Variants in SLC26A1 observed in about 807,000 individuals in gnomAD.
SLC26A1 encodes sulfate anion transporter 1.
A neutral mutation model predicts 14.5 loss-of-function variants in SLC26A1; 18 were observed. The ratio of observed to expected loss-of-function variants is 1.24; its 90% confidence interval spans 0.86 to 1.84. The LOEUF (loss-of-function observed/expected upper bound fraction) is 1.84. Ranked by LOEUF, SLC26A1 falls within the 40% of genes most tolerant of loss-of-function variation. The pLI is 0.00. For synonymous variants in SLC26A1, 505 were observed against 492.0 expected (o/e 1.03, Z -0.35); for missense variants, 1,049 against 1,020.0 (o/e 1.03, Z -0.39).
Position 990,045 on chromosome 4 carries a change from G to T in SLC26A1, c.894C>A (p.Val298=). ...LRVPLPTELL[V]IVVATLVSHF... is the part of the protein sequence containing the mutation. ...GCGACACGAGTGTGGCCACCACGAT[G>T]ACCAGCAGCTCCGTGGGCAGCGGCA... Residue 298 remains valine, a synonymous_variant, in exon 3 of 3, where the codon GTC becomes GTA. Transcript: ENST00000398516. 1 of 1,600,328 alleles carries T rather than the reference G, an allele frequency of 6.2e-7. No individual in the cohort carries two copies. Among genetic ancestry groups the T allele is most frequent in the Admixed American group, 1.7e-5 (1 of 58,976 alleles).
At chr4:979,423 C>T (rs1325077829) in exon 3 of SLC26A1, 3 of 1,575,656 alleles carry the variant, frequency 1.9e-6, no homozygotes, top group Non-Finnish European at 2.6e-6. Flanking sequence ...GATCTTTCCT[C>T]CTCTTCCAGA....
downstream of SLC26A1, among the ~76,000 whole-genome samples, chr4:985,598 C>T (rs1252169116): frequency 6.6e-6 from 1 of 151,906 alleles, no homozygotes; most frequent in Non-Finnish European, 1.5e-5. Flanking sequence ...GAGGGTCTTA[C>T]CCCGCTGTTC....
rs552896279 is a variant in SLC26A1, at chr4:989,304, C to T, written c.1635G>A (p.Pro545=). The change falls in exon 3 of 3, where the codon CCG becomes CCA. Residue 545 remains proline, a synonymous_variant. Coordinates refer to ENST00000398516, the MANE Select transcript of SLC26A1 (RefSeq NM_022042.4). The part of the protein sequence containing the change: ...PGVRVFRFGG[P]LYYANKDFFL... The stretch of plus-strand genomic sequence containing the variant: ...AGAAGTCCTTGTTGGCATAGTACAG[C>T]GGCCCCCCAAAGCGGAACACCCGCA... 2.3e-5 allele frequency: 37 copies of T among 1,612,132 alleles called. No individual in the cohort carries two copies. The highest frequency in any genetic ancestry group is 2.6e-5 in the Non-Finnish European group (31 of 1,179,658).
At chr4:982,022 T>C (rs1043205328) in intron 2 of SLC26A1, among the ~76,000 whole-genome samples, 3 of 152,084 alleles carry the variant, frequency 2.0e-5, no homozygotes, top group East Asian at 1.9e-4. Flanking sequence ...GTTTTCACCG[T>C]GTTAGCCAGG....
At chr4:985,707 C>T (rs867951712), downstream of SLC26A1, among the ~76,000 whole-genome samples, 5 of 152,042 alleles carry the variant, frequency 3.3e-5, no homozygotes, top group Middle Eastern at 3.4e-3. Flanking sequence ...GTTTTTCCTC[C>T]TTGCTAATTT....
In SLC26A1 at chr4:989,196, C is replaced by G; in HGVS notation, c.1743G>C (p.Gly581=). Residue 581 remains glycine (G), a synonymous_variant, in exon 3 of 3, where the codon GGG becomes GGC. Coordinates refer to ENST00000398516, the MANE Select transcript of SLC26A1 (RefSeq NM_022042.4). ...ARRKEGGSET[G]VGEGGPAQGE... The stretch of plus-strand genomic sequence containing the variant: ...CCTGGGCAGGGCCTCCCTCACCGAC[C>G]CCCGTCTCTGAGCCCCCCTCCTTCC... 1 of 1,607,708 alleles carries G rather than the reference C, an allele frequency of 6.2e-7. No individual in the cohort carries two copies. Among genetic ancestry groups the G allele is most frequent in the Non-Finnish European group, 8.5e-7 (1 of 1,176,452 alleles).
At chr4:990,795 C>T (rs1050903279) in intron 2 of SLC26A1, 1 of 400,332 alleles carries the variant, frequency 2.5e-6, no homozygotes, top group Non-Finnish European at 4.5e-6. Flanking sequence ...AGGCCATCCC[C>T]CACTCCACCT....
At chr4:979,518 G>T in intron 2 of SLC26A1, 13 of 1,613,142 alleles carry the variant, frequency 8.1e-6, no homozygotes, top group Non-Finnish European at 1.1e-5. Flanking sequence ...GAAGGAAGTG[G>T]CCGGGAAGGG....
At chr4:992,309 C>T (rs892167551) in intron 1 of SLC26A1, 1 of 420,694 alleles carries the variant, frequency 2.4e-6, no homozygotes, top group African/African-American at 2.0e-5. Flanking sequence ...GCCTGCTCTC[C>T]TGGAGACACC....
chr4:980,234 TG>T (rs937251237), intron 2 of SLC26A1, among the ~76,000 whole-genome samples: 8 of 152,184 alleles, frequency 5.3e-5, no homozygotes, highest in Non-Finnish European at 1.2e-4. Context: ...GAGGCACCTG[TG>T]GGCTCTGGAG....
chr4:984,068 G>A (rs1223777804), downstream of SLC26A1, among the ~76,000 whole-genome samples: 3 of 152,134 alleles, frequency 2.0e-5, no homozygotes, highest in Non-Finnish European at 4.4e-5. Context: ...CAGGTGATCT[G>A]CCCGCCTCAG....
chr4:990,493 G>T, intron 2 of SLC26A1, 131 bp from the exon 3 acceptor site: 2 of 904,108 alleles, frequency 2.2e-6, no homozygotes, highest in Non-Finnish European at 3.3e-6. Context: ...GGCCCCGTGT[G>T]TTCCAAACCA....
At position 991,344 on chromosome 4, in the gene SLC26A1, A is replaced by T. The variant is rs1714299156; in HGVS notation, c.360T>A (p.His120Gln). 2.5e-6 allele frequency: 4 copies of T among 1,612,754 alleles called. No homozygotes were observed. The highest frequency in any genetic ancestry group is 3.4e-6 in the Non-Finnish European group (4 of 1,179,924). Reference sequence around the variant, plus strand: ...GCAGGCTGAAGATGCCCACGGAGACATGCCGTGAGGTGCCCATGAGGAAGT... The same window carrying T: ...GCAGGCTGAAGATGCCCACGGAGACTTGCCGTGAGGTGCCCATGAGGAAGT... Reference protein sequence around the residue: ...LIYFLMGTSRHVSVGIFSLLC... With the variant: ...LIYFLMGTSRQVSVGIFSLLC... The change falls in exon 2 of 3, where the codon CAT becomes CAA. Residue 120 changes from histidine (H) to glutamine (Q), a missense_variant. Physicochemically the swap from His to Gln is conservative, Grantham distance 24. Coordinates refer to ENST00000398516, the MANE Select transcript of SLC26A1 (RefSeq NM_022042.4).
chr4:992,212 C>T (rs991624032), intron 1 of SLC26A1: 11 of 458,528 alleles, frequency 2.4e-5, no homozygotes, highest in Non-Finnish European at 4.4e-5. Context: ...GCTCCGTGTC[C>T]ACCTCCCTGG....
chr4:987,692 ACGCACGGGCAGCGCCTGGATCCTG>A lies in SLC26A1; in HGVS notation c.*1117_*1140del. The A allele has an allele frequency of 6.5e-7, 1 of 1,530,286 alleles. No homozygotes were observed. The highest frequency in any genetic ancestry group is 2.4e-5 in the East Asian group (1 of 41,360). 94.8% of individuals were successfully genotyped at this position (1,530,286 alleles called of 1,614,324 possible). ...TAAGGGTCATTTTATTAGTCACTGA[ACGCACGGGCAGCGCCTGGATCCTG>A]CGCCCGGGCAGTCCTGGGCTTGAAC... On this transcript the variant is annotated 3_prime_UTR_variant, in exon 3 of 3. Coordinates refer to ENST00000398516, the MANE Select transcript of SLC26A1 (RefSeq NM_022042.4).
chr4:987,594 G>A, downstream of SLC26A1: 1 of 1,413,416 alleles, frequency 7.1e-7, no homozygotes, highest in African/African-American at 1.4e-5. Flanking sequence ...CAGGGCCAGG[G>A]CTGGCGTTGG....
At chr4:985,354 G>A (rs1713674592), downstream of SLC26A1, among the ~76,000 whole-genome samples, 1 of 149,388 alleles carries the variant, frequency 6.7e-6, no homozygotes, top group Non-Finnish European at 1.5e-5. Context: ...AGGCCTCAGA[G>A]GCTCCTCAGA....
Position 990,204 on chromosome 4 carries a change from C to G in SLC26A1, c.735G>C (p.Val245=). The G allele has an allele frequency of 6.4e-7, 1 of 1,562,466 alleles. No individual in the cohort carries two copies. Among genetic ancestry groups the G allele is most frequent in the Non-Finnish European group, 8.7e-7 (1 of 1,154,048 alleles). The change falls in exon 3 of 3, where the codon GTG becomes GTC. Residue 245 remains valine, a synonymous_variant. Coordinates refer to ENST00000398516, the MANE Select transcript of SLC26A1 (RefSeq NM_022042.4). ...RIPRHQGPGM[V]VLTWLSLLRG... ...GCAGCAGGCTCAGCCATGTGAGGAC[C>G]ACCATGCCGGGCCCCTGGTGCCGCG...
chr4:991,102 C>T, intron 2 of SLC26A1, 26 bp downstream of exon 2: 1 of 1,519,260 alleles, frequency 6.6e-7, no homozygotes, highest in Non-Finnish European at 8.8e-7. Flanking sequence ...CTGGGCCCCT[C>T]CCTGTGCCCA....
Sources: allele counts gnomAD v4.1 joint callset (sites outside exome capture counted in the v4.1 genomes callset), GRCh38; gene constraint gnomAD v4.1.1; transcripts MANE v1.5; gene names NCBI Gene and HGNC (gene_info 2026-07-23, HGNC 2026-07-21).